The following SORBS2 variants were observed in gnomAD, a reference collection of about 807,000 sequenced individuals.
SORBS2 encodes sorbin and SH3 domain-containing protein 2.
SORBS2 carries 46 observed loss-of-function variants against 97.7 expected under a neutral mutation model. The observed-to-expected ratio is 0.47, with a 90% CI of 0.37 to 0.60. The LOEUF (loss-of-function observed/expected upper bound fraction) is 0.60, where lower values mean the gene tolerates loss of function less well. Among genes scored for constraint, SORBS2 ranks in the 20% least tolerant of loss-of-function variants. The probability of loss-of-function intolerance (pLI) is 0.00; values close to 1 mark genes in which losing one functional copy is unlikely to be tolerated. For missense variants in SORBS2, 1,316 were observed against 1,282.3 expected, an observed-to-expected ratio of 1.03 and a Z score of -0.40; for synonymous variants, 476 against 473.4, an observed-to-expected ratio of 1.01 and a Z score of -0.07.
At chr4:185,883,798 T>C (rs1354783620) in intron 1 of SORBS2, among the ~76,000 whole-genome samples, 1 of 152,358 alleles carries the variant, frequency 6.6e-6, no homozygotes, top group African/African-American at 2.4e-5. Flanking sequence ...CAGTGAGCTA[T>C]GATCATGCCA....
At chr4:185,864,211 A>G (rs1177919283) in intron 1 of SORBS2, among the ~76,000 whole-genome samples, 4 of 152,222 alleles carry the variant, frequency 2.6e-5, no homozygotes, top group African/African-American at 9.6e-5. Context: ...GAAGGGCAAA[A>G]ACATACCTCA....
chr4:185,704,743 G>C (rs1281755567), intron 2 of SORBS2, among the ~76,000 whole-genome samples: 1 of 152,142 alleles, frequency 6.6e-6, no homozygotes, highest in Non-Finnish European at 1.5e-5. Context: ...GAAACATTCA[G>C]CTCTGGGAAG....
rs1042855477 is a variant in SORBS2, at chr4:185,606,345, A to C, written c.2796+5435T>G. The C allele has an allele frequency of 7.2e-6, 7 of 968,368 alleles. No individual in the cohort carries two copies. The Admixed American group carries it at 1.8e-4, about 26-fold the overall frequency. The allele number at this position is 968,368 out of a possible 1,614,324, so 60.0% of individuals were successfully genotyped here. Reference sequence around the variant, plus strand: ...CTATATCAATTACAAAGACTTTTACAATATAAGTTTATGGTCCTGAAGAAA... The same window carrying C: ...CTATATCAATTACAAAGACTTTTACCATATAAGTTTATGGTCCTGAAGAAA... On this transcript the variant is annotated intron_variant, in intron 12 of 14. Transcript: ENST00000418609. The surrounding 1 kb of genome is among the most constrained non-coding windows in gnomAD (Gnocchi z 4.3).
chr4:185,935,749 C>G (rs1323105261), intron 1 of SORBS2, among the ~76,000 whole-genome samples: 1 of 152,078 alleles, frequency 6.6e-6, no homozygotes, highest in Non-Finnish European at 1.5e-5. Flanking sequence ...ACAGAGACAC[C>G]AATAATCAAT....
intron 1 of SORBS2, among the ~76,000 whole-genome samples, chr4:185,822,830 G>A (rs546655857): frequency 2.6e-5 from 4 of 152,242 alleles, no homozygotes; most frequent in South Asian, 4.1e-4. Context: ...TGAGAACGCC[G>A]GGAGTATAAA....
intron 1 of SORBS2, among the ~76,000 whole-genome samples, chr4:185,809,316 GAAGT>G (rs1456733522): frequency 2.0e-5 from 3 of 150,386 alleles, no homozygotes; most frequent in Admixed American, 6.6e-5. Flanking sequence ...CAGAAAGTCA[GAAGT>G]AAGATTCAGA....
chr4:185,621,721 C>G (rs528907181), intron 7 of SORBS2, among the ~76,000 whole-genome samples: 2 of 151,602 alleles, frequency 1.3e-5, no homozygotes, highest in African/African-American at 4.9e-5. Flanking sequence ...ATATTTGACA[C>G]TAGTATGAAC....
chr4:185,875,454 C>T (rs1044076714), intron 1 of SORBS2, among the ~76,000 whole-genome samples: 1 of 152,150 alleles, frequency 6.6e-6, no homozygotes, highest in South Asian at 2.1e-4. Flanking sequence ...GGATTTAGTC[C>T]CTGTGGCCAA....
intron 4 of SORBS2, among the ~76,000 whole-genome samples, chr4:185,631,356 AT>A (rs1306950513): frequency 6.6e-6 from 1 of 152,242 alleles, no homozygotes; most frequent in Non-Finnish European, 1.5e-5. Context: ...GATAATATGA[AT>A]TTTTTATTTT....
chr4:185,930,764 C>A (rs2099266027), intron 1 of SORBS2, among the ~76,000 whole-genome samples: 1 of 152,182 alleles, frequency 6.6e-6, no homozygotes, highest in African/African-American at 2.4e-5. Context: ...AATGAAAAAT[C>A]ATAGTTTCTA....
At chr4:185,793,619 C>T (rs955471741) in intron 1 of SORBS2, among the ~76,000 whole-genome samples, 4 of 151,912 alleles carry the variant, frequency 2.6e-5, no homozygotes, top group African/African-American at 7.3e-5. Flanking sequence ...TTATTTTTGA[C>T]CCAGTTGAGC....
chr4:185,671,995 C>A (rs967260796), intron 4 of SORBS2, among the ~76,000 whole-genome samples: 6 of 152,184 alleles, frequency 3.9e-5, no homozygotes, highest in African/African-American at 1.4e-4. Context: ...CATGCGCATG[C>A]ACAGACATCA....
intron 1 of SORBS2, among the ~76,000 whole-genome samples, chr4:185,806,671 G>A (rs36081233): frequency 0.5 from 75,253 of 150,274 alleles, 19,037 homozygotes; most frequent in East Asian, 0.64. Flanking sequence ...TTTTAGCCGG[G>A]ATGGTCTCGA....
At chr4:185,752,083 A>G (rs763872531) in intron 2 of SORBS2, among the ~76,000 whole-genome samples, 3 of 152,172 alleles carry the variant, frequency 2.0e-5, no homozygotes, top group Non-Finnish European at 4.4e-5. Flanking sequence ...TGTCAATGGC[A>G]CCAAGGCTGA....
At chr4:185,849,525 C>T (rs1421210567) in intron 1 of SORBS2, among the ~76,000 whole-genome samples, 1 of 150,700 alleles carries the variant, frequency 6.6e-6, no homozygotes, top group African/African-American at 2.4e-5. Context: ...AATAAGTCCA[C>T]TCCAGTGCAG....
rs779111951 is a variant in SORBS2 at position 185,611,773 on chromosome 4, T to C, written c.2796+7A>G. 7 of 1,610,838 alleles carry C rather than the reference T, an allele frequency of 4.3e-6. No individual in the cohort carries two copies. The highest frequency in any genetic ancestry group is 5.1e-6 in the Non-Finnish European group (6 of 1,177,040). Reference sequence around the variant, plus strand: ...TATTACATTAACATGATAGAGTATGTTCTTACCTTATTTGAGCTCAAGCTG... The same window carrying C: ...TATTACATTAACATGATAGAGTATGCTCTTACCTTATTTGAGCTCAAGCTG... On this transcript the variant is annotated splice_region_variant and intron_variant, in intron 12 of 14. Coordinates refer to ENST00000418609, the Ensembl canonical transcript of SORBS2.
chr4:185,703,930 A>T (rs943757658), intron 2 of SORBS2, among the ~76,000 whole-genome samples: 1 of 152,244 alleles, frequency 6.6e-6, no homozygotes, highest in African/African-American at 2.4e-5. Context: ...TCAAAAATAC[A>T]GATTAACTCT....
chr4:185,636,840 G>C (rs1561568643), intron 4 of SORBS2, among the ~76,000 whole-genome samples: 1 of 152,064 alleles, frequency 6.6e-6, no homozygotes. Context: ...GCAGAGACGG[G>C]GTTTCACCAT....
At chr4:185,892,285 G>C (rs2099242901) in intron 1 of SORBS2, among the ~76,000 whole-genome samples, 1 of 152,210 alleles carries the variant, frequency 6.6e-6, no homozygotes, top group South Asian at 2.1e-4. Context: ...CTTGGGAGTT[G>C]TTAATGTTCT....
Sources: allele counts gnomAD v4.1 joint callset (sites outside exome capture counted in the v4.1 genomes callset), GRCh38; gene constraint gnomAD v4.1.1; non-coding constraint Gnocchi (gnomAD v3.1); transcripts MANE v1.5; gene names NCBI Gene and HGNC (gene_info 2026-07-23, HGNC 2026-07-21).